The following NCK2 variants were observed in gnomAD, a reference collection of about 807,000 sequenced individuals.
The protein encoded by NCK2 is NCK adaptor protein 2.
A neutral mutation model predicts 33.9 loss-of-function variants in NCK2; 16 were observed. That is an observed-to-expected ratio of 0.47 (90% confidence interval 0.32 to 0.72). The LOEUF (loss-of-function observed/expected upper bound fraction) is 0.72, where lower values mean the gene tolerates loss of function less well. Among genes scored for constraint, NCK2 ranks in the 30% least tolerant of loss-of-function variants. NCK2 has a pLI of 0.03. For missense variants in NCK2, 418 were observed against 537.3 expected, an observed-to-expected ratio of 0.78 and a Z score of 2.19; for synonymous variants, 273 against 239.9, an observed-to-expected ratio of 1.14 and a Z score of -1.27.
At chr2:105,822,331 A>G (rs1413108866) in intron 2 of NCK2, among the ~76,000 whole-genome samples, 1 of 150,250 alleles carries the variant, frequency 6.7e-6, no homozygotes, top group Non-Finnish European at 1.5e-5. Flanking sequence ...CCACCCATGG[A>G]GGCCCAGGAT....
At chr2:105,851,265 CTT>C (rs775114112) in intron 2 of NCK2, among the ~76,000 whole-genome samples, 1 of 144,380 alleles carries the variant, frequency 6.9e-6, no homozygotes, top group Admixed American at 6.9e-5. Context: ...CAGAGCTGAG[CTT>C]TTTTTTTTTT....
chr2:105,775,010 C>A (rs1226533061), intron 1 of NCK2, among the ~76,000 whole-genome samples: 3 of 152,014 alleles, frequency 2.0e-5, no homozygotes, highest in African/African-American at 7.3e-5. Context: ...AAGGCCCTGT[C>A]TCTACAATGA....
At chr2:105,886,352 C>CT (rs1678720930) in intron 4 of NCK2, among the ~76,000 whole-genome samples, 1 of 152,246 alleles carries the variant, frequency 6.6e-6, no homozygotes. Context: ...CTTGAAGACT[C>CT]TGCCTTCTCA....
chr2:105,774,181 G>C (rs1690229171), intron 1 of NCK2, among the ~76,000 whole-genome samples: 1 of 151,838 alleles, frequency 6.6e-6, no homozygotes. Flanking sequence ...GCTAATTTTT[G>C]TATTTTTAGT....
At chr2:105,759,889 C>G (rs756886237) in intron 1 of NCK2, among the ~76,000 whole-genome samples, 1 of 151,936 alleles carries the variant, frequency 6.6e-6, no homozygotes, top group South Asian at 2.1e-4. Flanking sequence ...GTAGAGTTAC[C>G]GGTTTGGGGA....
chr2:105,768,386 G>A (rs954013978), intron 1 of NCK2, among the ~76,000 whole-genome samples: 1 of 152,110 alleles, frequency 6.6e-6, no homozygotes, highest in South Asian at 2.1e-4. Flanking sequence ...GGTTCGTGCC[G>A]GCCTCACAAG....
intron 2 of NCK2, among the ~76,000 whole-genome samples, chr2:105,824,067 G>A (rs544385737): frequency 6.6e-6 from 1 of 152,256 alleles, no homozygotes; most frequent in Admixed American, 6.5e-5. Context: ...GCCAGGGACA[G>A]GGAGAGGCTC....
At chr2:105,871,098 C>T (rs950742543) in intron 3 of NCK2, among the ~76,000 whole-genome samples, 4 of 151,952 alleles carry the variant, frequency 2.6e-5, no homozygotes, top group East Asian at 1.9e-4. Flanking sequence ...TCGATGAGTG[C>T]GTGTGAAATC....
At chr2:105,880,862 A>C (rs574758107) in intron 3 of NCK2, among the ~76,000 whole-genome samples, 9 of 150,736 alleles carry the variant, frequency 6.0e-5, no homozygotes, top group African/African-American at 1.9e-4. Context: ...TGCAGTCTCA[A>C]CTCTGGCTCA....
rs1289026863 is a variant in NCK2, at chr2:105,824,088, G to A, written c.-17+7475G>A. Among the ~76,000 whole-genome samples, 8 of 152,084 alleles carry A rather than the reference G, an allele frequency of 5.3e-5. No individual in the cohort carries two copies. The East Asian group carries it at 1.5e-3, about 29-fold the overall frequency. On this transcript the variant is annotated intron_variant, in intron 2 of 4. Coordinates refer to ENST00000233154, the MANE Select transcript of NCK2 (RefSeq NM_003581.5). ...GACAGGGAGAGGCTCTAGAGTTGAC[G>A]TTTTTAGTAGTTTTTCTAAATTGTT...
intron 4 of NCK2, among the ~76,000 whole-genome samples, chr2:105,892,403 GTT>G (rs1388558402): frequency 1.3e-5 from 2 of 152,180 alleles, no homozygotes; most frequent in Non-Finnish European, 2.9e-5. Flanking sequence ...TCCATAATGA[GTT>G]TGCACTTTTC....
At chr2:105,783,558 C>T (rs887671051) in intron 1 of NCK2, among the ~76,000 whole-genome samples, 2 of 152,108 alleles carry the variant, frequency 1.3e-5, no homozygotes, top group African/African-American at 4.8e-5. Flanking sequence ...TATTTGCCAC[C>T]GTGGGTGCAG....
At chr2:105,775,481 T>C (rs1221013976) in intron 1 of NCK2, among the ~76,000 whole-genome samples, 4 of 152,374 alleles carry the variant, frequency 2.6e-5, no homozygotes, top group African/African-American at 9.6e-5. Context: ...TCATTTTTCC[T>C]CTGACTTGCT....
chr2:105,879,166 T>C (rs1678359569), intron 3 of NCK2, among the ~76,000 whole-genome samples: 1 of 152,254 alleles, frequency 6.6e-6, no homozygotes, highest in Non-Finnish European at 1.5e-5. Flanking sequence ...AAGTAGCTTT[T>C]GTAATTCACA....
At chr2:105,872,380 G>A (rs947859906) in intron 3 of NCK2, among the ~76,000 whole-genome samples, 3 of 152,128 alleles carry the variant, frequency 2.0e-5, no homozygotes, top group South Asian at 2.1e-4. Flanking sequence ...GCTCACAGCC[G>A]TGGTGTAGCC....
intron 1 of NCK2, among the ~76,000 whole-genome samples, chr2:105,792,866 G>A (rs1690940656): frequency 6.6e-6 from 1 of 152,202 alleles, no homozygotes; most frequent in Non-Finnish European, 1.5e-5. Context: ...GTTGCAAAGT[G>A]ATGATTTTCT....
At chr2:105,846,613 T>C (rs1676863958) in intron 2 of NCK2, 1 of 152,148 alleles carries the variant, frequency 6.6e-6, no homozygotes, top group Admixed American at 6.5e-5. Context: ...TACTGTTCAG[T>C]TAAGAAATTG....
chr2:105,745,477 G>T (rs1161574596), intron 1 of NCK2, among the ~76,000 whole-genome samples: 1 of 151,922 alleles, frequency 6.6e-6, no homozygotes, highest in South Asian at 2.1e-4. Flanking sequence ...GGAGACCCCC[G>T]GGTGCGCAGG....
chr2:105,850,063 A>G (rs1353878345), intron 2 of NCK2, among the ~76,000 whole-genome samples: 2 of 152,202 alleles, frequency 1.3e-5, no homozygotes, highest in African/African-American at 2.4e-5. Flanking sequence ...CCTGAGCATC[A>G]GAAGTATCTT....
Sources: allele counts gnomAD v4.1 joint callset (sites outside exome capture counted in the v4.1 genomes callset), GRCh38; gene constraint gnomAD v4.1.1; transcripts MANE v1.5; gene names NCBI Gene and HGNC (gene_info 2026-07-23, HGNC 2026-07-21).